Variants in UHRF1 observed in about 807,000 individuals in gnomAD.
The protein encoded by UHRF1 is E3 ubiquitin-protein ligase UHRF1.
Under a neutral mutation model 96.5 loss-of-function variants are expected in UHRF1, and 9 were observed. The ratio of observed to expected loss-of-function variants is 0.09; its 90% CI spans 0.06 to 0.16. The LOEUF is 0.16. Among genes scored for constraint, UHRF1 ranks in the 10% least tolerant of loss-of-function variants. The pLI, the probability that UHRF1 is intolerant of heterozygous loss-of-function variation, is 1.00. For synonymous variants in UHRF1, 455 were observed against 469.9 expected (o/e 0.97, Z 0.41); for missense variants, 626 against 1,131.1 (o/e 0.55, Z 6.40).
chr19:4,929,579 T>G, intron 3 of UHRF1, 103 bp downstream of exon 3: 4 of 1,471,644 alleles, frequency 2.7e-6, no homozygotes, highest in Non-Finnish European at 3.6e-6. Context: ...CGCGCCTCTC[T>G]AGCTCTGGCT....
In UHRF1 at chr19:4,954,176, G is replaced by A. The variant is rs2033790727; in HGVS notation, c.1819-174G>A. Among the ~76,000 whole-genome samples, 1 of 152,104 alleles carries A rather than the reference G, an allele frequency of 6.6e-6. No individual in the cohort carries two copies. The highest frequency in any genetic ancestry group is 6.6e-5 in the Admixed American group (1 of 15,258). ...CATGTAACATTTTCAGTTGACTTTGGGTCACTGAAACCTCAGCAAAACTAG... is the reference window on the plus strand; with the variant it reads ...CATGTAACATTTTCAGTTGACTTTGAGTCACTGAAACCTCAGCAAAACTAG... On this transcript the variant is annotated intron_variant, in intron 13 of 16. Coordinates refer to ENST00000650932, the MANE Select transcript of UHRF1 (RefSeq NM_001048201.3). This position sits in a 1 kb window ranked among gnomAD's most constrained non-coding sequence, Gnocchi z 5.9.
intron 10 of UHRF1, 54 bp from the exon 11 acceptor site, chr19:4,947,050 CT>C (rs374695577): frequency 0.2 from 211,941 of 1,055,084 alleles, 4 homozygotes; most frequent in South Asian, 0.25. Flanking sequence ...AATGCAGTCT[CT>C]TTTTTTTTTT....
upstream of UHRF1, chr19:4,909,098 G>GC (rs945232707): frequency 1.1e-5 from 2 of 181,366 alleles, no homozygotes; most frequent in African/African-American, 2.4e-5. Context: ...TCTCCTAGGG[G>GC]CCCCCCACAT....
chr19:4,920,276 A>G (rs1338053817), intron 2 of UHRF1, among the ~76,000 whole-genome samples: 3 of 152,074 alleles, frequency 2.0e-5, no homozygotes, highest in Non-Finnish European at 4.4e-5. Flanking sequence ...TACCAAAGAT[A>G]CAAAGATTAG....
intron 2 of UHRF1, among the ~76,000 whole-genome samples, chr19:4,920,018 T>A (rs2032653507): frequency 2.0e-5 from 3 of 152,054 alleles, no homozygotes; most frequent in Non-Finnish European, 4.4e-5. Flanking sequence ...AGTTTCTCCA[T>A]GTTGGTCAGG....
intron 5 of UHRF1, among the ~76,000 whole-genome samples, chr19:4,938,730 GTTTTTTTTTTTTTTTTT>G (rs71170880): frequency 2.4e-4 from 15 of 61,588 alleles, no homozygotes; most frequent in East Asian, 4.1e-4. Context: ...TTTTGGTCAG[GTTTTTTTTTTTTTTTTT>G]TTTTTTTTTT....
chr19:4,918,659 C>T (rs1048679183), intron 2 of UHRF1, among the ~76,000 whole-genome samples: 13 of 151,588 alleles, frequency 8.6e-5, no homozygotes, highest in South Asian at 4.2e-4. Flanking sequence ...AGTTATCTGC[C>T]GGCCTCAGCC....
intron 2 of UHRF1, among the ~76,000 whole-genome samples, chr19:4,922,676 A>G (rs949008495): frequency 6.6e-6 from 1 of 152,226 alleles, no homozygotes. Context: ...GGGTTGTGCA[A>G]GCTTCCTCCT....
chr19:4,949,671 A>G (rs558063850), intron 11 of UHRF1, among the ~76,000 whole-genome samples: 4 of 152,036 alleles, frequency 2.6e-5, no homozygotes, highest in African/African-American at 7.2e-5. Flanking sequence ...TTAAAATTAC[A>G]AAAAAGAATT....
Position 4,951,282 on chromosome 19 carries a change from C to T in UHRF1, c.1818+286C>T, listed in dbSNP as rs560489525. On this transcript the variant is annotated intron_variant, in intron 13 of 16. Transcript: ENST00000650932. The stretch of plus-strand genomic sequence containing the variant: ...GTCCATCTCAAAACAGGAGCACTGC[C>T]GGGCTCCATGACGGCTCTGACACTT... Among the ~76,000 whole-genome samples, 26 of 152,156 alleles carry T rather than the reference C, an allele frequency of 1.7e-4. No homozygotes were observed. The South Asian group carries it at 5.2e-3, about 30-fold the overall frequency.
chr19:4,954,278 G>T lies in UHRF1; in HGVS notation c.1819-72G>T. 1.9e-6 allele frequency: 3 copies of T among 1,565,614 alleles called. No individual in the cohort carries two copies. The highest frequency in any genetic ancestry group is 2.3e-5 in the South Asian group (2 of 86,096). On this transcript the variant is annotated intron_variant, in intron 13 of 16. Transcript: ENST00000650932. This position sits in a 1 kb window ranked among gnomAD's most constrained non-coding sequence, Gnocchi z 5.9. ...CTGGAAACCCAGACCTGGCAAGGAG[G>T]CTGGAAGAGCGGGCTCTGCATAGCG... is the stretch of plus-strand genomic sequence containing the variant.
chr19:4,925,885 T>TTTTC (rs1445560092), intron 2 of UHRF1, among the ~76,000 whole-genome samples: 1 of 150,870 alleles, frequency 6.6e-6, no homozygotes, highest in Admixed American at 6.6e-5. Flanking sequence ...CTGTTTTTTC[T>TTTTC]TTTCTTTCTT....
At chr19:4,945,557 C>A (rs1364254436) in intron 9 of UHRF1, among the ~76,000 whole-genome samples, 1 of 152,082 alleles carries the variant, frequency 6.6e-6, no homozygotes, top group Non-Finnish European at 1.5e-5. Context: ...CCGTGCCTGG[C>A]CGTCACCCCC....
At chr19:4,943,606 T>G (rs142878040) in intron 7 of UHRF1, among the ~76,000 whole-genome samples, 1 of 151,412 alleles carries the variant, frequency 6.6e-6, no homozygotes, top group African/African-American at 2.4e-5. Context: ...TCACTCTCAC[T>G]GTTGCAAGAT....
At chr19:4,940,083 A>G (rs1233733679) in intron 5 of UHRF1, among the ~76,000 whole-genome samples, 1 of 151,804 alleles carries the variant, frequency 6.6e-6, no homozygotes, top group African/African-American at 2.4e-5. Context: ...AATGTAAAGT[A>G]GCTCATTAAT....
At chr19:4,945,076 A>G (rs2033522737) in intron 9 of UHRF1, among the ~76,000 whole-genome samples, 1 of 152,156 alleles carries the variant, frequency 6.6e-6, no homozygotes, top group South Asian at 2.1e-4. Flanking sequence ...TCATGGGGCC[A>G]GGCGTGCAGG....
chr19:4,951,309 C>T (rs1387124165), intron 13 of UHRF1, among the ~76,000 whole-genome samples: 1 of 152,120 alleles, frequency 6.6e-6, no homozygotes, highest in African/African-American at 2.4e-5. Context: ...CTGACACTTC[C>T]CGCCTGGGCA....
Position 4,929,260 on chromosome 19 carries a change from C to T in UHRF1, c.192C>T (p.Arg64=). 1 of 1,613,928 alleles carries T rather than the reference C, an allele frequency of 6.2e-7. No homozygotes were observed. Among genetic ancestry groups the T allele is most frequent in the Non-Finnish European group, 8.5e-7 (1 of 1,179,884 alleles). ...DGHTLFDYEV[R]LNDTIQLLVR... ...ATACCCTCTTCGACTACGAGGTCCG[C>T]CTGAATGACACCATCCAGCTCCTGG... Residue 64 remains arginine (R), a synonymous_variant, in exon 3 of 17, where the codon CGC becomes CGT. Transcript: ENST00000650932.
chr19:4,950,471 T>C (rs2033686468), intron 11 of UHRF1, 140 bp from the exon 12 acceptor site: 2 of 883,676 alleles, frequency 2.3e-6, no homozygotes, highest in East Asian at 3.0e-5. Flanking sequence ...CTCGAACTCC[T>C]GACTTCAGGC....
Sources: gnomAD v4.1 joint callset for allele counts (sites outside exome capture counted in the v4.1 genomes callset) on GRCh38, gnomAD v4.1.1 for gene constraint, Gnocchi (gnomAD v3.1) non-coding constraint, MANE v1.5 for transcripts, NCBI Gene and HGNC (gene_info 2026-07-23, HGNC 2026-07-21) for gene names.